Variants in XPO6 observed in about 807,000 individuals in gnomAD.
The protein encoded by XPO6 is exportin 6.
Under a neutral mutation model 130.0 loss-of-function variants are expected in XPO6, and 3 were observed. The observed-to-expected ratio is 0.02, with a 90% CI of 0.01 to 0.06. XPO6 has a LOEUF of 0.06. Ranked by LOEUF, XPO6 falls within the 10% of genes least tolerant of loss-of-function variation. XPO6 has a pLI of 1.00. For synonymous variants in XPO6, 524 were observed against 548.9 expected, an observed-to-expected ratio of 0.95 and a Z score of 0.63; for missense variants, 970 against 1,393.0, an observed-to-expected ratio of 0.70 and a Z score of 4.83.
chr16:28,123,878 A>G (rs768302587), intron 13 of XPO6, among the ~76,000 whole-genome samples: 2 of 152,210 alleles, frequency 1.3e-5, no homozygotes, highest in Non-Finnish European at 1.5e-5. Context: ...AAGGTCATGT[A>G]GTCATAACAA....
chr16:28,184,378 T>G (rs2043661628), intron 1 of XPO6, among the ~76,000 whole-genome samples: 1 of 152,104 alleles, frequency 6.6e-6, no homozygotes, highest in African/African-American at 2.4e-5. Context: ...AAAATTCCAG[T>G]TGGATTGTAG....
chr16:28,174,731 G>A (rs996880717), intron 4 of XPO6, among the ~76,000 whole-genome samples: 1 of 152,178 alleles, frequency 6.6e-6, no homozygotes, highest in African/African-American at 2.4e-5. Flanking sequence ...ATGAAGAGCA[G>A]GCAGAACATT....
intron 1 of XPO6, among the ~76,000 whole-genome samples, chr16:28,196,330 T>C (rs889432506): frequency 1.3e-5 from 2 of 152,182 alleles, no homozygotes; most frequent in Non-Finnish European, 2.9e-5. Flanking sequence ...GACCATATAG[T>C]GTATGATAAT....
chr16:28,176,179 TTCAATAAACA>T, intron 3 of XPO6, 84 bp from the exon 4 acceptor site: 1 of 1,255,312 alleles, frequency 8.0e-7, no homozygotes, highest in Non-Finnish European at 1.1e-6. Flanking sequence ...CTATTATCAC[TTCAATAAACA>T]AGAATCCCTC....
intron 10 of XPO6, among the ~76,000 whole-genome samples, chr16:28,134,161 C>T (rs1326411357): frequency 6.6e-6 from 1 of 152,176 alleles, no homozygotes; most frequent in East Asian, 1.9e-4. Flanking sequence ...AGCTATTTTC[C>T]CCCCTTTGGG....
At chr16:28,157,350 G>A (rs2043200069) in intron 6 of XPO6, among the ~76,000 whole-genome samples, 1 of 151,624 alleles carries the variant, frequency 6.6e-6, no homozygotes, top group African/African-American at 2.4e-5. Flanking sequence ...AGCTACTTGG[G>A]AGGCTGAGGC....
intron 15 of XPO6, chr16:28,117,092 G>A (rs942558123): frequency 5.9e-6 from 3 of 505,522 alleles, no homozygotes; most frequent in Non-Finnish European, 1.0e-5. Flanking sequence ...CTTTTTCACA[G>A]TGAGCATGTA....
intron 1 of XPO6, among the ~76,000 whole-genome samples, chr16:28,200,577 C>G (rs113816296): frequency 8.6e-5 from 13 of 151,860 alleles, no homozygotes; most frequent in Non-Finnish European, 2.9e-5. Flanking sequence ...GCCTGAGCAA[C>G]AGGTAAAGAT....
chr16:28,126,725 A>T (rs2087424302), intron 12 of XPO6: 1 of 152,122 alleles, frequency 6.6e-6, no homozygotes. Flanking sequence ...CTCTCTTCAC[A>T]AATGTCCACA....
intron 9 of XPO6, among the ~76,000 whole-genome samples, chr16:28,142,753 TACAG>T (rs1180654596): frequency 6.6e-6 from 1 of 152,192 alleles, no homozygotes; most frequent in Non-Finnish European, 1.5e-5. Context: ...GTATTTTTTG[TACAG>T]ACAGAGTCTT....
At chr16:28,157,370 G>A (rs1246638277) in intron 6 of XPO6, among the ~76,000 whole-genome samples, 2 of 150,514 alleles carry the variant, frequency 1.3e-5, no homozygotes, top group Admixed American at 6.7e-5. Flanking sequence ...CAGGAGAATC[G>A]CTTGAACCCA....
chr16:28,153,639 T>C (rs1162539237), intron 7 of XPO6: 4 of 985,316 alleles, frequency 4.1e-6, no homozygotes, highest in Admixed American at 6.1e-5. Flanking sequence ...TCAGAAACTG[T>C]CATTTTAAGC....
chr16:28,101,381 C>T lies in XPO6; in HGVS notation c.3276+77G>A, dbSNP rs755408289. The T allele has an allele frequency of 1.2e-5, 16 of 1,329,180 alleles. No homozygotes were observed. The highest frequency in any genetic ancestry group is 5.2e-5 in the Admixed American group (3 of 57,210). The allele number at this position is 1,329,180 out of a possible 1,614,324, so 82.3% of individuals were successfully genotyped here. On this transcript the variant is annotated intron_variant, in intron 23 of 23. Transcript: ENST00000304658. This position sits in a 1 kb window ranked among gnomAD's most constrained non-coding sequence, Gnocchi z 5.4. ...ACCACGCCCAGAGGCCTCAATGTGC[C>T]CCCTCCTTGCTGCACAGGTGCCAGG...
In XPO6 at chr16:28,153,138, G is replaced by A. The variant is rs927368705; in HGVS notation, c.1098-353C>T. The A allele has an allele frequency of 6.9e-6, 7 of 1,017,642 alleles. No individual in the cohort carries two copies. In the African/African-American group the frequency reaches 1.2e-4, roughly 18 times the overall value. 63.0% of individuals were successfully genotyped at this position (1,017,642 alleles called of 1,614,324 possible). On this transcript the variant is annotated intron_variant, in intron 7 of 23. Transcript: ENST00000304658. ...GTGTCATTTCAATCTGGCAAGTCTA[G>A]AAGGCTGGTTTTCTTTCCGGGAGGC...
At chr16:28,117,214 G>C in intron 15 of XPO6, 104 bp downstream of exon 15, 1 of 1,404,554 alleles carries the variant, frequency 7.1e-7, no homozygotes, top group Non-Finnish European at 9.8e-7. Flanking sequence ...AAAGATTTAT[G>C]GGTCTAACTC....
rs151321655 is a variant in XPO6, at chr16:28,103,949, C to T, written c.2946+597G>A. On this transcript the variant is annotated intron_variant, in intron 21 of 23. Coordinates refer to ENST00000304658, the MANE Select transcript of XPO6 (RefSeq NM_015171.4). ...TAGACTCAGATGAGAACGTCAGACA[C>T]TTGAGTGCAGACCCTGGGAGCGTGC... 1.8e-3 allele frequency among the ~76,000 whole-genome samples: 281 copies of T among 152,346 alleles called. 1 individual carries two copies. Among genetic ancestry groups the T allele is most frequent in the African/African-American group, 6.4e-3 (265 of 41,582 alleles).
chr16:28,111,638 T>C (rs1455677864), intron 17 of XPO6, 179 bp downstream of exon 17: 7 of 598,464 alleles, frequency 1.2e-5, no homozygotes, highest in African/African-American at 1.9e-5. Context: ...GGCTGCTGTC[T>C]TAACTGAATT....
At chr16:28,129,310 C>T (rs1270427933) in intron 12 of XPO6, among the ~76,000 whole-genome samples, 1 of 152,186 alleles carries the variant, frequency 6.6e-6, no homozygotes, top group Non-Finnish European at 1.5e-5. Context: ...ACAAAAGTCA[C>T]GCAGGGCATC....
chr16:28,142,689 G>C (rs1227994726), intron 9 of XPO6, among the ~76,000 whole-genome samples: 1 of 152,120 alleles, frequency 6.6e-6, no homozygotes, highest in Non-Finnish European at 1.5e-5. Context: ...TCCTGCTTCA[G>C]CCTCCTGAGT....
Sources: gnomAD v4.1 joint callset for allele counts (sites outside exome capture counted in the v4.1 genomes callset) on GRCh38, gnomAD v4.1.1 for gene constraint, Gnocchi (gnomAD v3.1) non-coding constraint, MANE v1.5 for transcripts, NCBI Gene and HGNC (gene_info 2026-07-23, HGNC 2026-07-21) for gene names.